Variants in PLIN5 observed in about 807,000 individuals in gnomAD.
PLIN5 encodes the protein perilipin-5.
In PLIN5, 34 loss-of-function variants were observed where a neutral mutation model predicts 32.8. That is an observed-to-expected ratio of 1.04 (90% CI 0.79 to 1.38). PLIN5 has a LOEUF of 1.38. PLIN5 is among the 40% of genes most tolerant of loss of function. The pLI, the probability that PLIN5 is intolerant of heterozygous loss-of-function variation, is 0.00. For synonymous variants in PLIN5, 309 were observed against 292.9 expected, an observed-to-expected ratio of 1.05 and a Z score of -0.56; for missense variants, 712 against 660.5, an observed-to-expected ratio of 1.08 and a Z score of -0.85.
In PLIN5 at chr19:4,529,233, G is replaced by A. The variant is rs187338873; in HGVS notation, c.360C>T (p.Asp120=). 5.1e-4 allele frequency: 825 copies of A among 1,607,752 alleles called. 3 individuals carry two copies. The African/African-American group carries it at 9.5e-3, about 19-fold the overall frequency. The change falls in exon 5 of 8, where the codon GAC becomes GAT. Residue 120 remains aspartate (D), a synonymous_variant. Coordinates refer to ENST00000381848, the MANE Select transcript of PLIN5 (RefSeq NM_001013706.3). The stretch of plus-strand genomic sequence containing the variant: ...CACCCGTGACACTGCTGGCCACCAC[G>A]TCCTTGGCTGAGGTCACCACCTGGA... ...PSETVVTSAK[D]VVASSVTGVV... is the part of the protein sequence containing the mutation.
In PLIN5 at chr19:4,522,805, C is replaced by A; in HGVS notation, c.*723G>T. 1 of 152,552 alleles carries A rather than the reference C, an allele frequency of 6.6e-6. No homozygotes were observed. The highest frequency in any genetic ancestry group is 2.0e-4 in the South Asian group (1 of 5,054). 9.4% of individuals were successfully genotyped at this position (152,552 alleles called of 1,614,324 possible). On this transcript the variant is annotated 3_prime_UTR_variant, in exon 8 of 8. Transcript: ENST00000381848. The stretch of plus-strand genomic sequence containing the variant: ...TCAAGCAGTCCTCCCACCTTGGCCT[C>A]CCAAAGTGCTGTGATAACAGGTGTC...
rs368397817 is a variant in PLIN5, at chr19:4,525,604, C to T, written c.720+29G>A. 551 of 1,608,862 alleles carry T rather than the reference C, an allele frequency of 3.4e-4. No homozygotes were observed. Among genetic ancestry groups the T allele is most frequent in the Non-Finnish European group, 4.4e-4 (514 of 1,179,534 alleles). ...AATCCATACTGATTGGCCTGCATCCCGGAGCAGGGGCGGGCAGCGGGCTCT... is the reference window on the plus strand; with the variant it reads ...AATCCATACTGATTGGCCTGCATCCTGGAGCAGGGGCGGGCAGCGGGCTCT... On this transcript the variant is annotated intron_variant, in intron 6 of 7. Transcript: ENST00000381848. This position sits in a 1 kb window ranked among gnomAD's most constrained non-coding sequence, Gnocchi z 5.6.
rs1174593534 is a variant in PLIN5, at chr19:4,522,697, T to G, written c.*831A>C. On this transcript the variant is annotated 3_prime_UTR_variant, in exon 8 of 8. Transcript: ENST00000381848. ...CCTAGGAAGTATTTTTTAAAAACAT[T>G]TTTGAGATAGAGTCTTGCTCTGTCA... The G allele has an allele frequency of 6.6e-6, 1 of 152,094 alleles. No homozygotes were observed. The highest frequency in any genetic ancestry group is 1.5e-5 in the Non-Finnish European group (1 of 68,036). The allele number at this position is 152,094 out of a possible 1,614,324, so 9.4% of individuals were successfully genotyped here.
intron 5 of PLIN5, among the ~76,000 whole-genome samples, chr19:4,526,439 C>T (rs895308410): frequency 6.6e-6 from 1 of 152,138 alleles, no homozygotes; most frequent in Non-Finnish European, 1.5e-5. Flanking sequence ...CCAGGCTGGT[C>T]TAGAACTCCT....
intron 5 of PLIN5, among the ~76,000 whole-genome samples, 194 bp from the exon 6 acceptor site, chr19:4,526,026 C>T (rs1976799373): frequency 6.6e-6 from 1 of 152,150 alleles, no homozygotes; most frequent in Admixed American, 6.5e-5. Context: ...GGTACAGAAG[C>T]CACAGGTTCC....
Position 4,524,032 on chromosome 19 carries a change from G to A in PLIN5, c.888C>T (p.Gly296=), listed in dbSNP as rs934971929. ...LSRSLTQELQ[G]TVEALESSVR... ...CGCTGGACTCCAGAGCCTCTACCGT[G>A]CCCTGCAGCTCCTGGGTCAGGCTGC... is the stretch of plus-strand genomic sequence containing the variant. The change falls in exon 8 of 8, where the codon GGC becomes GGT. Residue 296 remains glycine (G), a synonymous_variant. Coordinates refer to ENST00000381848, the MANE Select transcript of PLIN5 (RefSeq NM_001013706.3). 8.1e-6 allele frequency: 12 copies of A among 1,489,534 alleles called. 1 individual carries two copies. Among genetic ancestry groups the A allele is most frequent in the Non-Finnish European group, 1.1e-5 (12 of 1,129,456 alleles). 92.3% of individuals were successfully genotyped at this position (1,489,534 alleles called of 1,614,324 possible).
At chr19:4,526,071 A>G (rs539241105) in intron 5 of PLIN5, among the ~76,000 whole-genome samples, 1 of 152,000 alleles carries the variant, frequency 6.6e-6, no homozygotes, top group Non-Finnish European at 1.5e-5. Context: ...ACATCAACCC[A>G]TTTGGTCTTC....
At chr19:4,529,923 G>T in intron 3 of PLIN5, 57 bp from the exon 4 acceptor site, 1 of 1,137,780 alleles carries the variant, frequency 8.8e-7, no homozygotes, top group Non-Finnish European at 1.3e-6. Flanking sequence ...AGATAGGGAC[G>T]CAGTGAGAGT....
intron 5 of PLIN5, among the ~76,000 whole-genome samples, chr19:4,526,857 C>CAAAAAAAAAAAAAAAAAAAA (rs141886356): frequency 0.01 from 1,406 of 138,280 alleles, 84 homozygotes; most frequent in African/African-American, 0.04. Flanking sequence ...GACTCCATCT[C>CAAAAAAAAAAAAAAAAAAAA]AAAAAAAAAT....
At chr19:4,534,411 C>T (rs1458895179) in intron 1 of PLIN5, 1 of 284,038 alleles carries the variant, frequency 3.5e-6, no homozygotes, top group Non-Finnish European at 6.7e-6. Context: ...GAATCTCTCT[C>T]GCCCAGGCTG....
At chr19:4,533,570 T>C (rs1367490022) in intron 2 of PLIN5, 2 of 254,740 alleles carry the variant, frequency 7.9e-6, no homozygotes, top group Non-Finnish European at 1.5e-5. Context: ...GCCACTGAAC[T>C]GTTCGGTGCC....
chr19:4,527,914 CT>C (rs534330544), intron 5 of PLIN5, among the ~76,000 whole-genome samples: 23,538 of 143,410 alleles, frequency 0.16, 3,287 homozygotes, highest in African/African-American at 0.39. Flanking sequence ...GCCTCACTGC[CT>C]TTTTTTTTTT....
intron 3 of PLIN5, among the ~76,000 whole-genome samples, chr19:4,530,562 A>G (rs1225842081): frequency 6.6e-6 from 1 of 152,070 alleles, no homozygotes; most frequent in Non-Finnish European, 1.5e-5. Context: ...AGACAAATGG[A>G]CCCAAGGCAC....
chr19:4,531,534 G>A, intron 3 of PLIN5, 93 bp downstream of exon 3: 1 of 1,281,856 alleles, frequency 7.8e-7, no homozygotes. Context: ...TGACCCCCAG[G>A]AGTGTCATGC....
intron 2 of PLIN5, chr19:4,532,910 C>T (rs1374156215): frequency 6.6e-6 from 1 of 152,192 alleles, no homozygotes; most frequent in Non-Finnish European, 1.5e-5. Flanking sequence ...TCAAGCGATC[C>T]TCCCGCTTCA....
Position 4,523,812 on chromosome 19 carries a change from G to T in PLIN5, c.1108C>A (p.Pro370Thr), listed in dbSNP as rs372591306. ...ELLELVVQAV[P>T]LPWLVGPFAP... ...AAGGGTCCCACCAGCCAGGGCAGCG[G>T]CACGGCCTGCACCACCAGCTCCAGC... The change falls in exon 8 of 8, where the codon CCG becomes ACG. Residue 370 changes from proline to threonine, a missense_variant. Physicochemically the swap from Pro to Thr is conservative, Grantham distance 38. Coordinates refer to ENST00000381848, the MANE Select transcript of PLIN5 (RefSeq NM_001013706.3). The surrounding 1 kb of genome is among the most constrained non-coding windows in gnomAD (Gnocchi z 5.0). The T allele has an allele frequency of 3.6e-5, 58 of 1,593,696 alleles. No individual in the cohort carries two copies. The African/African-American group carries it at 7.2e-4, about 20-fold the overall frequency.
chr19:4,529,398 A>G (rs935566090), intron 4 of PLIN5, 145 bp from the exon 5 acceptor site: 2 of 860,026 alleles, frequency 2.3e-6, no homozygotes, highest in African/African-American at 3.4e-5. Flanking sequence ...TGGGTGATAA[A>G]ACCCTTCCCT....
At position 4,523,907 on chromosome 19, in the gene PLIN5, T is replaced by G. The variant is rs1310177336; in HGVS notation, c.1013A>C (p.Asp338Ala). 6.6e-7 allele frequency: 1 copy of G among 1,524,344 alleles called. No homozygotes were observed. Among genetic ancestry groups the G allele is most frequent in the Non-Finnish European group, 8.7e-7 (1 of 1,145,536 alleles). 94.4% of individuals were successfully genotyped at this position (1,524,344 alleles called of 1,614,324 possible). ...TAFADARCFR[D>A]VPAAALAEGR... Reference sequence around the variant, plus strand: ...CTCGGCCAGCGCGGCCGCTGGCACGTCCCTGAAGCAGCGGGCATCAGCGAA... The same window carrying G: ...CTCGGCCAGCGCGGCCGCTGGCACGGCCCTGAAGCAGCGGGCATCAGCGAA... The change falls in exon 8 of 8, where the codon GAC becomes GCC. Residue 338 changes from aspartate (D) to alanine (A), a missense_variant. Transcript: ENST00000381848. The surrounding 1 kb of genome is among the most constrained non-coding windows in gnomAD (Gnocchi z 5.0).
In PLIN5 at chr19:4,529,154, C is replaced by A; in HGVS notation, c.439G>T (p.Val147Leu). Residue 147 changes from valine to leucine, a missense_variant, in exon 5 of 8, where the codon GTG becomes TTG. Val to Leu is a conservative substitution (Grantham distance 32). Transcript: ENST00000381848. ...AGTACAACATCCACAGCATGGCTCA[C>A]GGAGCGCTTCAGCTCCACGCTCCAG... is the stretch of plus-strand genomic sequence containing the variant. ...RRWSVELKRSVSHAVDVVLEK... is the reference protein window; with the variant it reads ...RRWSVELKRSLSHAVDVVLEK... 1 of 1,613,344 alleles carries A rather than the reference C, an allele frequency of 6.2e-7. No homozygotes were observed. The highest frequency in any genetic ancestry group is 8.5e-7 in the Non-Finnish European group (1 of 1,179,982).
Sources: gnomAD v4.1 joint callset for allele counts (sites outside exome capture counted in the v4.1 genomes callset) on GRCh38, gnomAD v4.1.1 for gene constraint, Gnocchi (gnomAD v3.1) non-coding constraint, MANE v1.5 for transcripts, NCBI Gene and HGNC (gene_info 2026-07-23, HGNC 2026-07-21) for gene names.